Variants in CMYA5 observed in about 807,000 individuals in gnomAD.
The protein encoded by CMYA5 is cardiomyopathy-associated protein 5.
CMYA5 carries 246 observed loss-of-function variants against 318.9 expected under a neutral mutation model. The ratio of observed to expected loss-of-function variants is 0.77; its 90% CI spans 0.70 to 0.86. CMYA5 has a LOEUF of 0.86. Among genes scored for constraint, CMYA5 ranks in the 40% least tolerant of loss-of-function variants. The pLI is 0.00. For missense variants in CMYA5, 4,589 were observed against 4,678.2 expected, an observed-to-expected ratio of 0.98 and a Z score of 0.56; for synonymous variants, 1,641 against 1,729.5, an observed-to-expected ratio of 0.95 and a Z score of 1.27.
At chr5:79,790,564 C>T (rs575116803) in intron 10 of CMYA5, among the ~76,000 whole-genome samples, 6 of 152,294 alleles carry the variant, frequency 3.9e-5, no homozygotes, top group South Asian at 2.1e-4. Context: ...CCACCTCACC[C>T]GGCCTGTATC....
chr5:79,702,063 G>A (rs1475632605), intron 1 of CMYA5, among the ~76,000 whole-genome samples: 4 of 151,848 alleles, frequency 2.6e-5, no homozygotes, highest in African/African-American at 9.7e-5. Flanking sequence ...GAGATCTTGC[G>A]ACTGCACTCC....
intron 1 of CMYA5, among the ~76,000 whole-genome samples, chr5:79,703,409 T>G (rs961904612): frequency 1.3e-5 from 2 of 152,234 alleles, no homozygotes; most frequent in African/African-American, 2.4e-5. Context: ...AAAAAAGTCT[T>G]TCACTCTGGC....
chr5:79,706,999 T>C (rs941172945), intron 1 of CMYA5, among the ~76,000 whole-genome samples: 57 of 152,294 alleles, frequency 3.7e-4, no homozygotes, highest in Admixed American at 1.1e-3. Context: ...CTCTTCTTAG[T>C]TTTTTTGCTT....
At chr5:79,748,731 A>G (rs1474274449) in intron 5 of CMYA5, among the ~76,000 whole-genome samples, 1 of 152,008 alleles carries the variant, frequency 6.6e-6, no homozygotes, top group African/African-American at 2.4e-5. Context: ...TTTAGTACAG[A>G]TGGAGTTTTG....
At chr5:79,749,417 A>G (rs1828390637) in intron 5 of CMYA5, among the ~76,000 whole-genome samples, 1 of 152,224 alleles carries the variant, frequency 6.6e-6, no homozygotes, top group Admixed American at 6.5e-5. Context: ...AGTGCTAATT[A>G]TCTACAGTTG....
chr5:79,736,834 C>T lies in CMYA5; in HGVS notation c.8069C>T (p.Thr2690Ile). The change falls in exon 2 of 13, where the codon ACA becomes ATA. Residue 2690 changes from threonine (T) to isoleucine (I), a missense_variant. Thr to Ile is a moderately conservative substitution (Grantham distance 89). Transcript: ENST00000446378. ...TCGAAAGGCGGTTCAGTAGATATCA[C>T]AAAAGAAACTGTGAAACAAGGATTT... ...ELSKGGSVDITKETVKQGFQE... is the reference protein window; with the variant it reads ...ELSKGGSVDIIKETVKQGFQE... The T allele has an allele frequency of 1.9e-6, 3 of 1,610,642 alleles. No homozygotes were observed. The highest frequency in any genetic ancestry group is 1.1e-5 in the South Asian group (1 of 90,942).
chr5:79,741,761 T>A (rs1828212420), intron 2 of CMYA5, among the ~76,000 whole-genome samples: 1 of 152,152 alleles, frequency 6.6e-6, no homozygotes, highest in Admixed American at 6.5e-5. Context: ...TCTCTATGAG[T>A]TTTAGATATT....
chr5:79,796,824 T>C (rs1829284717), intron 12 of CMYA5, among the ~76,000 whole-genome samples: 2 of 148,320 alleles, frequency 1.3e-5, no homozygotes, highest in African/African-American at 5.0e-5. Flanking sequence ...GTATTATGCA[T>C]TCATTCTTAC....
At position 79,729,154 on chromosome 5, in the gene CMYA5, A is replaced by C. The variant is rs762574125; in HGVS notation, c.389A>C (p.Lys130Thr). 4.3e-6 allele frequency: 7 copies of C among 1,612,402 alleles called. No homozygotes were observed. The highest frequency in any genetic ancestry group is 5.9e-6 in the Non-Finnish European group (7 of 1,179,280). ...NVSFIVDEVKKVRKRTHKSKH... is the reference protein window; with the variant it reads ...NVSFIVDEVKTVRKRTHKSKH... ...TCCTTTATTGTGGATGAAGTGAAAA[A>C]GGTTCGGAAAAGGACTCATAAGTCA... is the stretch of plus-strand genomic sequence containing the variant. The change falls in exon 2 of 13, where the codon AAG becomes ACG. Residue 130 changes from lysine (K) to threonine (T), a missense_variant. Around this residue, in one of 3 missense-constraint regions of CMYA5, gnomAD observed 2,132 missense variants for 2,131.3 expected, o/e 1.00. Transcript: ENST00000446378.
intron 1 of CMYA5, among the ~76,000 whole-genome samples, chr5:79,717,696 T>C (rs1580756384): frequency 6.6e-6 from 1 of 152,298 alleles, no homozygotes; most frequent in East Asian, 1.9e-4. Context: ...CTAAAGTACC[T>C]GATCATTGTG....
In CMYA5 at chr5:79,728,945, C is replaced by A. The variant is rs1212598583; in HGVS notation, c.180C>A (p.Ile60=). 2.5e-6 allele frequency: 4 copies of A among 1,598,012 alleles called. No homozygotes were observed. In the South Asian group the frequency reaches 3.4e-5, roughly 14 times the overall value. ...CAGACCAGGATGAAGAGGGAAAGAT[C>A]AAGCAGGAGTATATCATATCTGACC... ...RLSDQDEEGK[I]KQEYIISDPS... is the part of the protein sequence containing the mutation. The change falls in exon 2 of 13, where the codon ATC becomes ATA. Residue 60 remains isoleucine (I), a synonymous_variant. Coordinates refer to ENST00000446378, the MANE Select transcript of CMYA5 (RefSeq NM_153610.5).
At chr5:79,752,499 A>AT (rs1828447744) in intron 5 of CMYA5, among the ~76,000 whole-genome samples, 177 bp from the exon 6 acceptor site, 1 of 152,244 alleles carries the variant, frequency 6.6e-6, no homozygotes, top group Admixed American at 6.5e-5. Context: ...CTAAGAATAG[A>AT]TTTTAGACAT....
intron 9 of CMYA5, among the ~76,000 whole-genome samples, chr5:79,767,888 T>C (rs1452342314): frequency 6.6e-6 from 1 of 152,194 alleles, no homozygotes; most frequent in Non-Finnish European, 1.5e-5. Flanking sequence ...TGTTTAATAC[T>C]GACAGTGGGG....
chr5:79,737,747 T>C lies in CMYA5; in HGVS notation c.8982T>C (p.Asp2994=), dbSNP rs1260774262. 6 of 1,611,576 alleles carry C rather than the reference T, an allele frequency of 3.7e-6. No individual in the cohort carries two copies. Among genetic ancestry groups the C allele is most frequent in the South Asian group, 2.2e-5 (2 of 90,204 alleles). Reference sequence around the variant, plus strand: ...TTAAAACCATACCACTCCCTGATGATAGTGAAACAGTTGCTTGTCATAAAA... The same window carrying C: ...TTAAAACCATACCACTCCCTGATGACAGTGAAACAGTTGCTTGTCATAAAA... ...ASFKTIPLPD[D]SETVACHKTL... is the part of the protein sequence containing the mutation. Residue 2994 remains aspartate, a synonymous_variant, in exon 2 of 13, where the codon GAT becomes GAC. Transcript: ENST00000446378.
chr5:79,743,485 A>C (rs2151090002), intron 2 of CMYA5, among the ~76,000 whole-genome samples: 1 of 152,266 alleles, frequency 6.6e-6, no homozygotes, highest in East Asian at 1.9e-4. Context: ...ACATATAAAA[A>C]CCAAGGTCTT....
intron 1 of CMYA5, among the ~76,000 whole-genome samples, chr5:79,723,443 GAAAA>G (rs35720490): frequency 2.5e-5 from 3 of 121,568 alleles, no homozygotes; most frequent in African/African-American, 9.9e-5. Flanking sequence ...CATCTCAAAG[GAAAA>G]AAAAAAAAAA....
chr5:79,720,360 A>G (rs981523336), intron 1 of CMYA5, among the ~76,000 whole-genome samples: 9 of 152,102 alleles, frequency 5.9e-5, no homozygotes, highest in African/African-American at 2.2e-4. Flanking sequence ...ATCAATACAA[A>G]CAATGGAAGA....
Position 79,736,485 on chromosome 5 carries a change from A to C in CMYA5, c.7720A>C (p.Ile2574Leu), listed in dbSNP as rs1561211930. 6.2e-7 allele frequency: 1 copy of C among 1,611,640 alleles called. No homozygotes were observed. The part of the protein sequence containing the change: ...VAESMSRESD[I>L]SLGHSLGETQ... ...CGAGTCTATGAGTAGAGAATCAGAT[A>C]TCTCTTTAGGTCATTCTTTGGGTGA... The change falls in exon 2 of 13, where the codon ATC (isoleucine) becomes CTC (leucine). Residue 2574 changes from isoleucine (I) to leucine (L), a missense_variant. Transcript: ENST00000446378.
In CMYA5 at chr5:79,736,958, T is replaced by G; in HGVS notation, c.8193T>G (p.His2731Gln). The change falls in exon 2 of 13, where the codon CAT (histidine) becomes CAG (glutamine). Residue 2731 changes from histidine (H) to glutamine (Q), a missense_variant. By Grantham distance (24) the His-to-Gln change is conservative. Transcript: ENST00000446378. ...TCCTGCCAGTGGTTCTTTCTTGTCA[T>G]GATGAAATAGAGAACCACTCTTTGT... ...KTFLPVVLSC[H>Q]DEIENHSLSQ... is the part of the protein sequence containing the mutation. 3.1e-6 allele frequency: 5 copies of G among 1,613,090 alleles called. No homozygotes were observed. Among genetic ancestry groups the G allele is most frequent in the Non-Finnish European group, 4.2e-6 (5 of 1,179,726 alleles).
Sources: allele counts gnomAD v4.1 joint callset (sites outside exome capture counted in the v4.1 genomes callset), GRCh38; gene constraint gnomAD v4.1.1; regional missense constraint gnomAD v4.1.1; transcripts MANE v1.5; gene names NCBI Gene and HGNC (gene_info 2026-07-23, HGNC 2026-07-21).